Variants in UNC13C observed in about 807,000 individuals in gnomAD.
UNC13C encodes protein unc-13 homolog C.
A neutral mutation model predicts 245.4 loss-of-function variants in UNC13C; 174 were observed. That is an observed-to-expected ratio of 0.71 (90% CI 0.63 to 0.80). The LOEUF is 0.80. Ranked by LOEUF, UNC13C falls within the 30% of genes least tolerant of loss-of-function variation. UNC13C has a pLI of 0.00. For missense variants in UNC13C, 2,829 were observed against 2,602.9 expected, an observed-to-expected ratio of 1.09 and a Z score of -1.89; for synonymous variants, 992 against 895.1, an observed-to-expected ratio of 1.11 and a Z score of -1.93.
chr15:54,557,693 C>A (rs1897146254), intron 29 of UNC13C, among the ~76,000 whole-genome samples: 1 of 151,886 alleles, frequency 6.6e-6, no homozygotes, highest in African/African-American at 2.4e-5. Context: ...AAGAGATAAT[C>A]TTTAATTCCT....
At chr15:54,077,348 T>C (rs534027233) in intron 2 of UNC13C, among the ~76,000 whole-genome samples, 24 of 149,784 alleles carry the variant, frequency 1.6e-4, no homozygotes, top group Admixed American at 4.0e-4. Flanking sequence ...ATTTCTTTTT[T>C]ATTTTTCCTT....
chr15:54,236,577 T>C (rs956738610), intron 6 of UNC13C, 142 bp downstream of exon 6: 4 of 671,842 alleles, frequency 6.0e-6, no homozygotes, highest in African/African-American at 5.5e-5. Flanking sequence ...CTGCAAGAAT[T>C]TAACCTCTGG....
At chr15:54,395,455 G>A (rs1263582742) in intron 18 of UNC13C, among the ~76,000 whole-genome samples, 1 of 151,824 alleles carries the variant, frequency 6.6e-6, no homozygotes, top group Non-Finnish European at 1.5e-5. Context: ...TCCCAAATCT[G>A]TGGAGTCAGA....
the UNC13C span, among the ~76,000 whole-genome samples, chr15:53,838,750 G>A: frequency 6.6e-6 from 1 of 151,818 alleles, no homozygotes; most frequent in Non-Finnish European, 1.5e-5. Context: ...AAACAATTTA[G>A]TGAAGATTTT....
intron 10 of UNC13C, among the ~76,000 whole-genome samples, chr15:54,268,245 A>G (rs1174830517): frequency 6.6e-6 from 1 of 152,082 alleles, no homozygotes; most frequent in Non-Finnish European, 1.5e-5. Context: ...ACCTGCTAAA[A>G]TCTAAGCCAC....
chr15:54,048,901 C>T (rs1897154876), intron 2 of UNC13C: 1 of 257,334 alleles, frequency 3.9e-6, no homozygotes, highest in South Asian at 4.9e-5. Flanking sequence ...TCCACATAAA[C>T]CATATTGGAA....
rs780884252 is a variant in UNC13C at position 54,013,595 on chromosome 15, G to C, written c.692G>C (p.Ser231Thr). 1.9e-6 allele frequency: 3 copies of C among 1,613,560 alleles called. No homozygotes were observed. In the African/African-American group the frequency reaches 4.0e-5, roughly 22 times the overall value. ...PKTNALEPGF[S>T]SSGCISQTHD... ...ACAAATGCCCTGGAGCCAGGGTTCA[G>C]TTCCTCTGGCTGCATTAGCCAAACA... Residue 231 changes from serine to threonine, a missense_variant, in exon 2 of 33, where the codon AGT (serine) becomes ACT (threonine). By Grantham distance (58) the Ser-to-Thr change is moderately conservative. Coordinates refer to ENST00000260323, the MANE Select transcript of UNC13C (RefSeq NM_001080534.3).
chr15:53,997,907 A>G (rs1205810881), intron 1 of UNC13C, among the ~76,000 whole-genome samples: 2 of 151,988 alleles, frequency 1.3e-5, no homozygotes, highest in Non-Finnish European at 2.9e-5. Context: ...GGCCCAAGCT[A>G]TCCTCCCACC....
chr15:54,231,716 A>G (rs920175367), intron 4 of UNC13C, among the ~76,000 whole-genome samples: 1 of 152,082 alleles, frequency 6.6e-6, no homozygotes, highest in Non-Finnish European at 1.5e-5. Context: ...ATGACATCTT[A>G]AAACAATCAA....
intron 2 of UNC13C, among the ~76,000 whole-genome samples, chr15:54,063,291 T>G (rs1183021716): frequency 6.6e-6 from 1 of 152,104 alleles, no homozygotes; most frequent in South Asian, 2.1e-4. Context: ...GAAGGGTAGT[T>G]CCAAAGCAAG....
intron 2 of UNC13C, among the ~76,000 whole-genome samples, chr15:54,104,075 C>A (rs1900309013): frequency 6.6e-6 from 1 of 152,226 alleles, no homozygotes; most frequent in Non-Finnish European, 1.5e-5. Context: ...TGTGTCGAGT[C>A]CTTTTCTTTC....
intron 26 of UNC13C, among the ~76,000 whole-genome samples, chr15:54,544,888 A>G (rs61120383): frequency 0.054 from 8,229 of 152,268 alleles, 519 homozygotes; most frequent in African/African-American, 0.15. Flanking sequence ...TAATTTATCA[A>G]TTCAATGCTA....
intron 17 of UNC13C, among the ~76,000 whole-genome samples, chr15:54,348,027 T>C (rs2038898461): frequency 6.6e-6 from 1 of 152,194 alleles, no homozygotes; most frequent in African/African-American, 2.4e-5. Flanking sequence ...AGAACCAGAT[T>C]GTCTAAATGT....
In UNC13C at chr15:54,431,325, T is replaced by C. The variant is rs2040867767; in HGVS notation, c.4933+16258T>C. 3.3e-5 allele frequency among the ~76,000 whole-genome samples: 5 copies of C among 151,794 alleles called. No homozygotes were observed. In the South Asian group the frequency reaches 1.0e-3, roughly 31 times the overall value. On this transcript the variant is annotated intron_variant, in intron 19 of 32. Transcript: ENST00000260323. ...TTCTCTGAATCACAAGCTTTTTTTT[T>C]CTGCCTTGAGAGCCAATACTTTTTC...
chr15:54,558,877 G>A (rs1897190833), intron 29 of UNC13C, among the ~76,000 whole-genome samples: 1 of 152,000 alleles, frequency 6.6e-6, no homozygotes, highest in Non-Finnish European at 1.5e-5. Context: ...AACTTTAAAG[G>A]CGTTCTAGCT....
chr15:53,868,064 G>A, the UNC13C span, among the ~76,000 whole-genome samples: 1 of 152,102 alleles, frequency 6.6e-6, no homozygotes, highest in Non-Finnish European at 1.5e-5. Context: ...TGAATTCCTG[G>A]GCTCAAGCGA....
rs2032363875 is a variant in UNC13C at position 54,148,222 on chromosome 15, C to G, written c.3071+4538C>G. ...CCTCATTTTCAAACAGGTACATTTA[C>G]CAAAAAATATTAATAAGAAACGTAT... On this transcript the variant is annotated intron_variant, in intron 4 of 32. Transcript: ENST00000260323. Among the ~76,000 whole-genome samples the G allele has an allele frequency of 2.6e-5, 4 of 152,174 alleles. No individual in the cohort carries two copies. In the South Asian group the frequency reaches 8.3e-4, roughly 32 times the overall value.
intron 19 of UNC13C, among the ~76,000 whole-genome samples, chr15:54,447,371 G>A (rs535366145): frequency 1.3e-5 from 2 of 152,148 alleles, no homozygotes; most frequent in African/African-American, 2.4e-5. Flanking sequence ...TTGTACCTCT[G>A]GTAGAATTTG....
At chr15:54,053,719 A>G (rs763263417) in intron 2 of UNC13C, among the ~76,000 whole-genome samples, 9 of 152,108 alleles carry the variant, frequency 5.9e-5, no homozygotes, top group Non-Finnish European at 1.0e-4. Flanking sequence ...GTGCTATCAA[A>G]TACTAGATCT....
Sources: gnomAD v4.1 joint callset for allele counts (sites outside exome capture counted in the v4.1 genomes callset) on GRCh38, gnomAD v4.1.1 for gene constraint, MANE v1.5 for transcripts, NCBI Gene and HGNC (gene_info 2026-07-23, HGNC 2026-07-21) for gene names.